The following BAZ1A variants were observed in gnomAD, a reference collection of about 807,000 sequenced individuals.
BAZ1A encodes the protein bromodomain adjacent to zinc finger domain 1A.
BAZ1A carries 50 observed loss-of-function variants against 185.2 expected under a neutral mutation model. That is an observed-to-expected ratio of 0.27 (90% confidence interval 0.22 to 0.34). BAZ1A has a LOEUF of 0.34. Ranked by LOEUF, BAZ1A falls within the 10% of genes least tolerant of loss-of-function variation. The pLI is 1.00. For missense variants in BAZ1A, 1,356 were observed against 1,839.9 expected (o/e 0.74, Z 4.81); for synonymous variants, 571 against 615.6 (o/e 0.93, Z 1.07).
At chr14:34,824,376 TA>T (rs59459941) in intron 4 of BAZ1A, among the ~76,000 whole-genome samples, 153 of 27,688 alleles carry the variant, frequency 5.5e-3, no homozygotes, top group African/African-American at 0.026. Context: ...TCCATCTCTT[TA>T]AAAAAAAAAA....
intron 9 of BAZ1A, among the ~76,000 whole-genome samples, chr14:34,799,166 T>C (rs1465703335): frequency 1.5e-5 from 2 of 137,834 alleles, no homozygotes; most frequent in African/African-American, 5.5e-5. Flanking sequence ...TTCTCACTCA[T>C]AGGTGGGACT....
chr14:34,852,034 G>A (rs556434698), intron 3 of BAZ1A, among the ~76,000 whole-genome samples: 2 of 152,160 alleles, frequency 1.3e-5, no homozygotes, highest in East Asian at 3.9e-4. Flanking sequence ...GGCTGGGGCA[G>A]GAGAATGGTG....
rs1437203624 is a variant in BAZ1A, at chr14:34,800,335, T to C, written c.1017A>G (p.Lys339=). The C allele has an allele frequency of 1.9e-6, 3 of 1,551,264 alleles. No individual in the cohort carries two copies. The highest frequency in any genetic ancestry group is 8.7e-7 in the Non-Finnish European group (1 of 1,148,962). Residue 339 remains lysine (K), a synonymous_variant, in exon 9 of 27, where the codon AAA becomes AAG. Transcript: ENST00000360310. ...REKADALEAK[K]KEKEDKEKKR... ...TTTTCTCTTTATCTTCTTTTTCTTTTTTCTTCGCTTCTAGGGCATCTGCTT... is the reference window on the plus strand; with the variant it reads ...TTTTCTCTTTATCTTCTTTTTCTTTCTTCTTCGCTTCTAGGGCATCTGCTT...
intron 4 of BAZ1A, among the ~76,000 whole-genome samples, chr14:34,823,542 C>A (rs1249634831): frequency 1.3e-5 from 2 of 151,980 alleles, no homozygotes; most frequent in Non-Finnish European, 2.9e-5. Flanking sequence ...TGCCTTTAAT[C>A]CCAGCTACTA....
At chr14:34,834,255 T>A (rs1380635146) in intron 3 of BAZ1A, among the ~76,000 whole-genome samples, 1 of 152,208 alleles carries the variant, frequency 6.6e-6, no homozygotes, top group Non-Finnish European at 1.5e-5. Flanking sequence ...ATGACAAGGT[T>A]GCTCAAGTTA....
intron 10 of BAZ1A, among the ~76,000 whole-genome samples, chr14:34,795,377 T>C (rs1453144077): frequency 6.6e-6 from 1 of 152,252 alleles, no homozygotes; most frequent in Non-Finnish European, 1.5e-5. Flanking sequence ...GGCAGAATCC[T>C]TACCTAGCAA....
rs779244183 is a variant in BAZ1A, at chr14:34,753,452, T to C, written c.*56A>G. Reference sequence around the variant, plus strand: ...TTGCTTTATACAGCATGATTTAATGTTCCATTTTCATGAACAATTTGTTTT... The same window carrying C: ...TTGCTTTATACAGCATGATTTAATGCTCCATTTTCATGAACAATTTGTTTT... On this transcript the variant is annotated 3_prime_UTR_variant, in exon 27 of 27. Coordinates refer to ENST00000360310, the MANE Select transcript of BAZ1A (RefSeq NM_013448.3). 1 of 1,563,472 alleles carries C rather than the reference T, an allele frequency of 6.4e-7. No individual in the cohort carries two copies. Among genetic ancestry groups the C allele is most frequent in the East Asian group, 2.3e-5 (1 of 44,348 alleles).
chr14:34,800,502 T>C, intron 8 of BAZ1A, 112 bp from the exon 9 acceptor site: 2 of 866,298 alleles, frequency 2.3e-6, no homozygotes, highest in Non-Finnish European at 1.7e-6. Context: ...ATGAGATTAG[T>C]AGAGACTCTT....
chr14:34,855,531 C>G (rs2042663232), intron 3 of BAZ1A, among the ~76,000 whole-genome samples: 1 of 152,184 alleles, frequency 6.6e-6, no homozygotes, highest in African/African-American at 2.4e-5. Context: ...GTTTTTAACA[C>G]AAGTGGAGAA....
intron 3 of BAZ1A, among the ~76,000 whole-genome samples, chr14:34,849,892 T>C (rs2042571212): frequency 6.6e-6 from 1 of 152,224 alleles, no homozygotes; most frequent in Non-Finnish European, 1.5e-5. Flanking sequence ...TCCCAGAACA[T>C]CTTAACTGTG....
At chr14:34,829,129 A>C (rs2042203019) in intron 3 of BAZ1A, among the ~76,000 whole-genome samples, 1 of 152,038 alleles carries the variant, frequency 6.6e-6, no homozygotes, top group Non-Finnish European at 1.5e-5. Flanking sequence ...AGCTGGGTGT[A>C]GTGGCATGCA....
intron 3 of BAZ1A, among the ~76,000 whole-genome samples, chr14:34,829,125 G>A (rs909836031): frequency 2.6e-5 from 4 of 152,104 alleles, no homozygotes; most frequent in African/African-American, 9.7e-5. Context: ...AATTAGCTGG[G>A]TGTAGTGGCA....
intron 20 of BAZ1A, among the ~76,000 whole-genome samples, 191 bp from the exon 21 acceptor site, chr14:34,771,850 G>C (rs1392644819): frequency 3.9e-5 from 6 of 152,158 alleles, no homozygotes; most frequent in African/African-American, 1.2e-4. Context: ...TTGAAGGAGA[G>C]AAAGAAGAGG....
At chr14:34,871,059 G>A (rs1003324852) in intron 2 of BAZ1A, among the ~76,000 whole-genome samples, 4 of 152,082 alleles carry the variant, frequency 2.6e-5, no homozygotes, top group Admixed American at 6.5e-5. Flanking sequence ...GTGTCTACAT[G>A]GCTAAAAAAA....
In BAZ1A at chr14:34,875,235, C is replaced by T; in HGVS notation, c.-156G>A. 2.2e-6 allele frequency: 1 copy of T among 453,554 alleles called. No individual in the cohort carries two copies. Among genetic ancestry groups the T allele is most frequent in the South Asian group, 1.6e-5 (1 of 64,428 alleles). The allele number at this position is 453,554 out of a possible 1,614,324, so 28.1% of individuals were successfully genotyped here. On this transcript the variant is annotated 5_prime_UTR_variant, in exon 1 of 27. Transcript: ENST00000360310. The stretch of plus-strand genomic sequence containing the variant: ...AGGGGACCGCCTCTCTCCGGCCCCG[C>T]CGCGCCCCTGGCTGCCGCTTCTCCC...
In BAZ1A at chr14:34,753,262, CA is replaced by C. The variant is rs1594799668; in HGVS notation, c.*245del. 17 of 401,844 alleles carry C rather than the reference CA, an allele frequency of 4.2e-5. No individual in the cohort carries two copies. The East Asian group carries it at 6.4e-4, about 15-fold the overall frequency. 24.9% of individuals were successfully genotyped at this position (401,844 alleles called of 1,614,324 possible). A position where few individuals can be genotyped will look rare whatever the true frequency, so the allele number is the denominator to read the frequency against. On this transcript the variant is annotated 3_prime_UTR_variant, in exon 27 of 27. Transcript: ENST00000360310. Reference sequence around the variant, plus strand: ...ACACATGAATGATCTCAAAAATGTACAAAAACCTCTGTAAACCAGTACTGTA... The same window carrying C: ...ACACATGAATGATCTCAAAAATGTACAAAACCTCTGTAAACCAGTACTGTA...
rs141918792 is a variant in BAZ1A at position 34,759,281 on chromosome 14, T to C, written c.4244-435A>G. ...CTGAAAGCTCCGCCTCCTGGGTTCATGCCATTCTCCTGTCTCAGCCTCCTG... is the reference window on the plus strand; with the variant it reads ...CTGAAAGCTCCGCCTCCTGGGTTCACGCCATTCTCCTGTCTCAGCCTCCTG... On this transcript the variant is annotated intron_variant, in intron 24 of 26. Coordinates refer to ENST00000360310, the MANE Select transcript of BAZ1A (RefSeq NM_013448.3). 6.3e-3 allele frequency among the ~76,000 whole-genome samples: 922 copies of C among 146,318 alleles called. 16 individuals are homozygous for C. The highest frequency in any genetic ancestry group is 0.022 in the African/African-American group (890 of 39,562).
chr14:34,791,700 T>G (rs1204023766), intron 12 of BAZ1A, among the ~76,000 whole-genome samples: 1 of 152,208 alleles, frequency 6.6e-6, no homozygotes. Context: ...AACAGTTCTG[T>G]TTTACTGTGA....
In BAZ1A at chr14:34,776,260, C is replaced by T; in HGVS notation, c.2492G>A (p.Gly831Asp). The change falls in exon 18 of 27, where the codon GGT (glycine) becomes GAT (aspartate). Residue 831 changes from glycine (G) to aspartate (D), a missense_variant. Coordinates refer to ENST00000360310, the MANE Select transcript of BAZ1A (RefSeq NM_013448.3). Reference protein sequence around the residue: ...PGLFIEEDYSGLTEDMLLPRP... With the variant: ...PGLFIEEDYSDLTEDMLLPRP... ...AGGCAACAGCATGTCTTCAGTAAGA[C>T]CAGAATAATCCTCTTCAATAAAGAG... The T allele has an allele frequency of 6.2e-7, 1 of 1,613,460 alleles. No homozygotes were observed. The highest frequency in any genetic ancestry group is 8.5e-7 in the Non-Finnish European group (1 of 1,179,506).
Sources: gnomAD v4.1 joint callset for allele counts (sites outside exome capture counted in the v4.1 genomes callset) on GRCh38, gnomAD v4.1.1 for gene constraint, MANE v1.5 for transcripts, NCBI Gene and HGNC (gene_info 2026-07-23, HGNC 2026-07-21) for gene names.